Variants in HMBOX1 observed in about 807,000 individuals in gnomAD.
HMBOX1 encodes homeobox-containing protein 1.
In HMBOX1, 14 loss-of-function variants were observed where a neutral mutation model predicts 54.5. The observed-to-expected ratio is 0.26, with a 90% CI of 0.17 to 0.40. The LOEUF (loss-of-function observed/expected upper bound fraction) is 0.40, where lower values mean the gene tolerates loss of function less well. Ranked by LOEUF, HMBOX1 falls within the 10% of genes least tolerant of loss-of-function variation. HMBOX1 has a pLI of 1.00. For synonymous variants in HMBOX1, 160 were observed against 181.0 expected, an observed-to-expected ratio of 0.88 and a Z score of 0.93; for missense variants, 332 against 514.4, an observed-to-expected ratio of 0.65 and a Z score of 3.43.
At chr8:28,958,451 A>G (rs1427891682) in intron 1 of HMBOX1, among the ~76,000 whole-genome samples, 1 of 152,056 alleles carries the variant, frequency 6.6e-6, no homozygotes, top group Non-Finnish European at 1.5e-5. Context: ...TGGGCTTCTC[A>G]CTCTAATTCC....
chr8:29,026,269 T>C (rs1357293078), intron 6 of HMBOX1, among the ~76,000 whole-genome samples: 1 of 152,124 alleles, frequency 6.6e-6, no homozygotes, highest in African/African-American at 2.4e-5. Context: ...AAGGACAATA[T>C]TGTGTGATTC....
intron 1 of HMBOX1, among the ~76,000 whole-genome samples, chr8:28,951,835 A>G (rs1823465226): frequency 6.6e-6 from 1 of 152,198 alleles, no homozygotes; most frequent in Non-Finnish European, 1.5e-5. Context: ...TTTTTAAGAG[A>G]AACTCTGACA....
At chr8:29,026,208 C>A (rs1430572925) in intron 6 of HMBOX1, among the ~76,000 whole-genome samples, 1 of 152,092 alleles carries the variant, frequency 6.6e-6, no homozygotes, top group Non-Finnish European at 1.5e-5. Flanking sequence ...ACTGTGTATT[C>A]CACATATTTG....
chr8:29,043,102 A>G (rs1338731222), intron 6 of HMBOX1, among the ~76,000 whole-genome samples: 1 of 152,194 alleles, frequency 6.6e-6, no homozygotes, highest in Non-Finnish European at 1.5e-5. Flanking sequence ...TTCAGTATGA[A>G]GTCTTCTTAA....
intron 3 of HMBOX1, among the ~76,000 whole-genome samples, chr8:28,978,786 C>CAAAAAA: frequency 1.0e-5 from 1 of 95,810 alleles, no homozygotes; most frequent in Non-Finnish European, 1.9e-5. Flanking sequence ...GACTCCGTCT[C>CAAAAAA]AAAAAAAAAA....
intron 5 of HMBOX1, among the ~76,000 whole-genome samples, chr8:29,013,293 G>A (rs1214896795): frequency 2.0e-5 from 3 of 152,088 alleles, no homozygotes; most frequent in African/African-American, 7.2e-5. Context: ...GTGCCGCCAC[G>A]CCCAGCTGAT....
chr8:28,984,337 A>G (rs1208330314), intron 4 of HMBOX1, among the ~76,000 whole-genome samples: 1 of 152,230 alleles, frequency 6.6e-6, no homozygotes, highest in African/African-American at 2.4e-5. Flanking sequence ...AAAAATGAGA[A>G]CGAGTGGTGC....
chr8:29,038,560 G>A (rs1018484524), intron 6 of HMBOX1, among the ~76,000 whole-genome samples: 10 of 152,192 alleles, frequency 6.6e-5, no homozygotes, highest in African/African-American at 2.4e-4. Context: ...CTTGGTAACA[G>A]AAATTTCTAG....
At chr8:28,931,428 C>T (rs922368777) in intron 1 of HMBOX1, among the ~76,000 whole-genome samples, 1 of 152,116 alleles carries the variant, frequency 6.6e-6, no homozygotes, top group Non-Finnish European at 1.5e-5. Context: ...ATTAGATAAT[C>T]TAATACTTGT....
chr8:28,947,778 C>T (rs1388057465), intron 1 of HMBOX1, among the ~76,000 whole-genome samples: 1 of 152,090 alleles, frequency 6.6e-6, no homozygotes, highest in East Asian at 1.9e-4. Context: ...CTGCCCCCGC[C>T]CCTGATTTCA....
chr8:29,039,370 A>T (rs1448583503), intron 6 of HMBOX1, among the ~76,000 whole-genome samples: 1 of 152,208 alleles, frequency 6.6e-6, no homozygotes, highest in Non-Finnish European at 1.5e-5. Flanking sequence ...CTCAGAAATA[A>T]ACACAAATAT....
rs1407785013 is a variant in HMBOX1 at position 28,916,479 on chromosome 8, G to C, written c.-58+25801G>C. Among the ~76,000 whole-genome samples, 3 of 152,184 alleles carry C rather than the reference G, an allele frequency of 2.0e-5. No individual in the cohort carries two copies. In the East Asian group the frequency reaches 5.8e-4, roughly 29 times the overall value. On this transcript the variant is annotated intron_variant, in intron 1 of 9. Coordinates refer to ENST00000287701, the MANE Select transcript of HMBOX1 (RefSeq NM_001135726.3). ...AGTCTGTGACCCATTTTGAGTTAAT[G>C]CGTGTAGAAGATTTGAGGTATGGGC...
intron 9 of HMBOX1, chr8:29,049,656 T>C: frequency 5.4e-6 from 2 of 371,868 alleles, no homozygotes. Context: ...TTGGGGAAAA[T>C]GTATTTAATT....
intron 4 of HMBOX1, among the ~76,000 whole-genome samples, chr8:29,000,145 T>C (rs1027093587): frequency 6.6e-6 from 1 of 152,236 alleles, no homozygotes; most frequent in Non-Finnish European, 1.5e-5. Flanking sequence ...GTCAGCTTAG[T>C]GGTCAGCTAA....
chr8:28,970,210 G>T lies in HMBOX1; in HGVS notation c.191G>T (p.Arg64Met). Residue 64 changes from arginine (R) to methionine (M), a missense_variant, in exon 3 of 10, where the codon AGG becomes ATG. Arg to Met is a moderately conservative substitution (Grantham distance 91). This residue lies in a region of HMBOX1 where 146 missense variants were observed against 173.3 expected (regional missense o/e 0.84). Transcript: ENST00000287701. The surrounding 1 kb of genome is among the most constrained non-coding windows in gnomAD (Gnocchi z 4.3). ...GAGCATAGTGACAAGTTTGGAAGAA[G>T]GTCCAGCTATGGAGGAAGTTCATAT... ...DQEHSDKFGR[R>M]SSYGGSSYGN... is the part of the protein sequence containing the mutation. The T allele has an allele frequency of 6.2e-7, 1 of 1,614,152 alleles. No individual in the cohort carries two copies.
At chr8:29,034,262 A>G (rs944069211) in intron 6 of HMBOX1, among the ~76,000 whole-genome samples, 1 of 152,198 alleles carries the variant, frequency 6.6e-6, no homozygotes, top group African/African-American at 2.4e-5. Flanking sequence ...TTGAAAACCT[A>G]GGAGTCCTGA....
intron 4 of HMBOX1, among the ~76,000 whole-genome samples, chr8:28,990,643 TTTTGTTTG>T (rs965936710): frequency 6.6e-6 from 1 of 152,054 alleles, no homozygotes; most frequent in Non-Finnish European, 1.5e-5. Context: ...TTGTTTTGTT[TTTTGTTTG>T]TTTGTTTTTT....
rs1214593903 is a variant in HMBOX1, at chr8:28,969,706, G to A, written c.24-337G>A. On this transcript the variant is annotated intron_variant, in intron 2 of 9. Coordinates refer to ENST00000287701, the MANE Select transcript of HMBOX1 (RefSeq NM_001135726.3). ...GGGCAAAACACTTCTGAGTTATCACGTAGCCTGGGCTTATTGCACTCCATG... is the reference window on the plus strand; with the variant it reads ...GGGCAAAACACTTCTGAGTTATCACATAGCCTGGGCTTATTGCACTCCATG... 9.2e-5 allele frequency among the ~76,000 whole-genome samples: 14 copies of A among 152,190 alleles called. No individual in the cohort carries two copies. The South Asian group carries it at 1.5e-3, about 16-fold the overall frequency.
chr8:28,969,702 T>C (rs1177565014), intron 2 of HMBOX1, among the ~76,000 whole-genome samples: 6 of 152,366 alleles, frequency 3.9e-5, no homozygotes, highest in African/African-American at 1.2e-4. Flanking sequence ...TTCTGAGTTA[T>C]CACGTAGCCT....
Sources: allele counts gnomAD v4.1 joint callset (sites outside exome capture counted in the v4.1 genomes callset), GRCh38; gene constraint gnomAD v4.1.1; regional missense constraint gnomAD v4.1.1; non-coding constraint Gnocchi (gnomAD v3.1); transcripts MANE v1.5; gene names NCBI Gene and HGNC (gene_info 2026-07-23, HGNC 2026-07-21).